Variants in LRIG2 observed in about 807,000 individuals in gnomAD.
LRIG2 encodes the protein leucine-rich repeats and immunoglobulin-like domains protein 2.
In LRIG2, 93 loss-of-function variants were observed where a neutral mutation model predicts 107.8. That is an observed-to-expected ratio of 0.86 (90% CI 0.73 to 1.03). The LOEUF is 1.03. Among genes scored for constraint, LRIG2 ranks in the 50% least tolerant of loss-of-function variants. The probability of loss-of-function intolerance (pLI) is 0.00; values close to 1 mark genes in which losing one functional copy is unlikely to be tolerated. For missense variants in LRIG2, 1,226 were observed against 1,296.0 expected, an observed-to-expected ratio of 0.95 and a Z score of 0.83; for synonymous variants, 471 against 470.6, an observed-to-expected ratio of 1.00 and a Z score of -0.01.
chr1:113,112,776 C>T lies in LRIG2; in HGVS notation c.2080+16C>T. The T allele has an allele frequency of 2.5e-6, 4 of 1,575,710 alleles. No individual in the cohort carries two copies. The highest frequency in any genetic ancestry group is 3.5e-6 in the Non-Finnish European group (4 of 1,153,852). ...ACAGTGTTAGGTACGTTTACTGCTC[C>T]ATGGGTCCCTGCTTTTGTTGGAGTC... On this transcript the variant is annotated intron_variant, in intron 14 of 17. Transcript: ENST00000361127.
At chr1:113,091,423 T>G (rs1295923366) in intron 2 of LRIG2, 40 bp downstream of exon 2, 2 of 1,275,346 alleles carry the variant, frequency 1.6e-6, no homozygotes, top group Non-Finnish European at 2.2e-6. Context: ...GTTAAATTCC[T>G]GAGGGAACTT....
At position 113,124,087 on chromosome 1, in the gene LRIG2, A is replaced by C; in HGVS notation, c.3184A>C (p.Ser1062Arg). 3 of 1,614,132 alleles carry C rather than the reference A, an allele frequency of 1.9e-6. No individual in the cohort carries two copies. Among genetic ancestry groups the C allele is most frequent in the African/African-American group, 2.7e-5 (2 of 75,048 alleles). Residue 1062 changes from serine (S) to arginine (R), a missense_variant, in exon 18 of 18, where the codon AGT becomes CGT. Transcript: ENST00000361127. ...FSRTRNIQDG[S>R]EGT Reference sequence around the variant, plus strand: ...TAGGACTCGGAACATTCAAGATGGTAGTGAGGGCACATGAAACTCACTTCA... The same window carrying C: ...TAGGACTCGGAACATTCAAGATGGTCGTGAGGGCACATGAAACTCACTTCA...
chr1:113,077,544 C>A (rs1231360230), intron 1 of LRIG2, among the ~76,000 whole-genome samples: 1 of 151,200 alleles, frequency 6.6e-6, no homozygotes, highest in Non-Finnish European at 1.5e-5. Flanking sequence ...TTTTTTAGTT[C>A]TTTCTATTTT....
At chr1:113,089,751 G>A in intron 1 of LRIG2, among the ~76,000 whole-genome samples, 1 of 122,834 alleles carries the variant, frequency 8.1e-6, no homozygotes, top group African/African-American at 3.1e-5. Context: ...GTGCAATCTT[G>A]GCTCACTACA....
At chr1:113,073,688 C>T in intron 1 of LRIG2, 43 bp downstream of exon 1, 3 of 1,564,942 alleles carry the variant, frequency 1.9e-6, no homozygotes, top group Non-Finnish European at 2.6e-6. Flanking sequence ...GGAGGGGGAG[C>T]CTTCCCTCTA....
rs746336524 is a variant in LRIG2, at chr1:113,094,600, T to G, written c.660-12T>G. 4 of 1,607,146 alleles carry G rather than the reference T, an allele frequency of 2.5e-6. No homozygotes were observed. The South Asian group carries it at 4.4e-5, about 18-fold the overall frequency. Reference sequence around the variant, plus strand: ...AACCAATTTCCTGACTGTAAAACTATTTTTGTTAAAGGGAACTTAAAAGAA... The same window carrying G: ...AACCAATTTCCTGACTGTAAAACTAGTTTTGTTAAAGGGAACTTAAAAGAA... On this transcript the variant is annotated splice_polypyrimidine_tract_variant and intron_variant, in intron 5 of 17. Coordinates refer to ENST00000361127, the MANE Select transcript of LRIG2 (RefSeq NM_014813.3).
chr1:113,079,466 C>T (rs1026692076), intron 1 of LRIG2, among the ~76,000 whole-genome samples: 2 of 150,830 alleles, frequency 1.3e-5, no homozygotes, highest in African/African-American at 2.4e-5. Flanking sequence ...GGGTACATCA[C>T]GAGGTCAGGA....
At chr1:113,098,975 G>C (rs1257481640) in intron 9 of LRIG2, among the ~76,000 whole-genome samples, 190 bp downstream of exon 9, 1 of 152,104 alleles carries the variant, frequency 6.6e-6, no homozygotes. Flanking sequence ...CTGTATCCCA[G>C]GCTGGGATGC....
chr1:113,103,338 T>A (rs893472004), intron 11 of LRIG2: 23 of 152,188 alleles, frequency 1.5e-4, no homozygotes, highest in Non-Finnish European at 3.1e-4. Context: ...AGAATCCTGT[T>A]AGGGTTTAGC....
intron 14 of LRIG2, 98 bp downstream of exon 14, chr1:113,112,858 G>C: frequency 4.4e-6 from 5 of 1,136,836 alleles, no homozygotes; most frequent in Non-Finnish European, 6.2e-6. Flanking sequence ...GATTACCTCT[G>C]TGATTCTTAG....
rs912425415 is a variant in LRIG2, at chr1:113,115,631, G to T, written c.2531-656G>T. On this transcript the variant is annotated intron_variant, in intron 15 of 17. Transcript: ENST00000361127. ...CAACTTCCACTTCCCGGGTTCAAGCGATTCTCCTGACTCAGCCTCCCGAGT... is the reference window on the plus strand; with the variant it reads ...CAACTTCCACTTCCCGGGTTCAAGCTATTCTCCTGACTCAGCCTCCCGAGT... Among the ~76,000 whole-genome samples, 2 of 151,664 alleles carry T rather than the reference G, an allele frequency of 1.3e-5. 1 individual carries two copies. Among genetic ancestry groups the T allele is most frequent in the South Asian group, 4.2e-4 (2 of 4,808 alleles).
chr1:113,109,840 A>G (rs891379328), intron 12 of LRIG2, among the ~76,000 whole-genome samples: 1 of 152,202 alleles, frequency 6.6e-6, no homozygotes, highest in Non-Finnish European at 1.5e-5. Context: ...TATCTATCAC[A>G]TACATATATA....
At chr1:113,098,235 A>C (rs1654151153) in intron 8 of LRIG2, among the ~76,000 whole-genome samples, 1 of 152,106 alleles carries the variant, frequency 6.6e-6, no homozygotes. Flanking sequence ...TGAGCAATGA[A>C]ACTGTATTGA....
At chr1:113,092,001 A>G (rs1439943676) in intron 2 of LRIG2, among the ~76,000 whole-genome samples, 1 of 152,166 alleles carries the variant, frequency 6.6e-6, no homozygotes, top group African/African-American at 2.4e-5. Context: ...CCTGAGATTT[A>G]CTTTCCTTTT....
In LRIG2 at chr1:113,093,191, T is replaced by G; in HGVS notation, c.306-15T>G. ...CCCTCACTAAACATTTAAATCTGTT[T>G]TTCCTCTTGCCTAGGAAAATGAATT... On this transcript the variant is annotated splice_polypyrimidine_tract_variant and intron_variant, in intron 2 of 17. Transcript: ENST00000361127. 6.4e-7 allele frequency: 1 copy of G among 1,550,602 alleles called. No homozygotes were observed. Among genetic ancestry groups the G allele is most frequent in the Non-Finnish European group, 8.8e-7 (1 of 1,131,650 alleles).
intron 1 of LRIG2, among the ~76,000 whole-genome samples, chr1:113,082,975 C>T (rs1360260202): frequency 6.6e-6 from 1 of 150,614 alleles, no homozygotes; most frequent in East Asian, 2.0e-4. Context: ...GTGTTGCAAT[C>T]ATGGCTCAGT....
intron 14 of LRIG2, among the ~76,000 whole-genome samples, chr1:113,113,918 C>G (rs1014547595): frequency 2.0e-5 from 3 of 152,092 alleles, no homozygotes; most frequent in Non-Finnish European, 4.4e-5. Context: ...TTAGCATATT[C>G]TAGACTTTCC....
Position 113,073,403 on chromosome 1 carries a change from G to A in LRIG2, c.-4G>A, listed in dbSNP as rs185447635. On this transcript the variant is annotated 5_prime_UTR_variant, in exon 1 of 18. Coordinates refer to ENST00000361127, the MANE Select transcript of LRIG2 (RefSeq NM_014813.3). ...TCTAGGCCACGTCCAGGTCGAGGGGGAAAATGGCGCCGGCGCCCCTAGGCG... is the reference window on the plus strand; with the variant it reads ...TCTAGGCCACGTCCAGGTCGAGGGGAAAAATGGCGCCGGCGCCCCTAGGCG... 9.9e-4 allele frequency: 1,601 copies of A among 1,612,784 alleles called. 12 individuals carry two copies. In the African/African-American group the frequency reaches 0.018, roughly 19 times the overall value.
rs537092328 is a variant in LRIG2, at chr1:113,081,880, A to G, written c.239+8235A>G. Among the ~76,000 whole-genome samples, 5 of 152,334 alleles carry G rather than the reference A, an allele frequency of 3.3e-5. No individual in the cohort carries two copies. In the South Asian group the frequency reaches 1.0e-3, roughly 32 times the overall value. The stretch of plus-strand genomic sequence containing the variant: ...AAGTATTATGGATGTCTCTCACATA[A>G]TCTCATGTAATAGAAAGATTATCTT... On this transcript the variant is annotated intron_variant, in intron 1 of 17. Transcript: ENST00000361127.
Sources: gnomAD v4.1 joint callset for allele counts (sites outside exome capture counted in the v4.1 genomes callset) on GRCh38, gnomAD v4.1.1 for gene constraint, MANE v1.5 for transcripts, NCBI Gene and HGNC (gene_info 2026-07-23, HGNC 2026-07-21) for gene names.